Variants in LYPD6B observed in about 807,000 individuals in gnomAD.
The protein encoded by LYPD6B is ly6/PLAUR domain-containing protein 6B.
A neutral mutation model predicts 22.8 loss-of-function variants in LYPD6B; 17 were observed. The observed-to-expected ratio is 0.75, with a 90% CI of 0.51 to 1.12. LYPD6B has a LOEUF of 1.12. LYPD6B is among the 50% of genes most tolerant of loss of function. The pLI is 0.00. For synonymous variants in LYPD6B, 106 were observed against 91.6 expected, an observed-to-expected ratio of 1.16 and a Z score of -0.90; for missense variants, 221 against 258.3, an observed-to-expected ratio of 0.86 and a Z score of 0.99.
intron 1 of LYPD6B, among the ~76,000 whole-genome samples, chr2:149,104,226 A>G (rs1686357181): frequency 6.6e-6 from 1 of 152,078 alleles, no homozygotes; most frequent in South Asian, 2.1e-4. Context: ...TTGTGTACAG[A>G]TCTTTGTATG....
chr2:149,181,500 T>TGG (rs1691717860), intron 3 of LYPD6B, among the ~76,000 whole-genome samples: 1 of 152,184 alleles, frequency 6.6e-6, no homozygotes, highest in Non-Finnish European at 1.5e-5. Context: ...TCTGCTGGAT[T>TGG]CCAGAAACCC....
chr2:149,102,918 A>T (rs1237393340), intron 1 of LYPD6B, among the ~76,000 whole-genome samples: 1 of 152,152 alleles, frequency 6.6e-6, no homozygotes, highest in East Asian at 1.9e-4. Context: ...GCCAAGGAAG[A>T]AATTTCCAGA....
At chr2:149,205,200 A>C in intron 3 of LYPD6B, 53 bp from the exon 4 acceptor site, 4 of 1,550,728 alleles carry the variant, frequency 2.6e-6, no homozygotes, top group Non-Finnish European at 3.5e-6. Context: ...CAAAACACAA[A>C]CCCACTGATG....
intron 3 of LYPD6B, among the ~76,000 whole-genome samples, chr2:149,171,600 G>A (rs1191189515): frequency 6.6e-6 from 1 of 151,664 alleles, no homozygotes; most frequent in Non-Finnish European, 1.5e-5. Flanking sequence ...TGGGATAGGT[G>A]GAGAGGAAAG....
chr2:149,178,558 G>A (rs151221697), intron 3 of LYPD6B, among the ~76,000 whole-genome samples: 2 of 152,226 alleles, frequency 1.3e-5, no homozygotes, highest in East Asian at 3.9e-4. Flanking sequence ...CAAAGTCAAG[G>A]GACTCTGCAT....
At chr2:149,160,040 A>C (rs1230858746) in intron 2 of LYPD6B, among the ~76,000 whole-genome samples, 1 of 152,046 alleles carries the variant, frequency 6.6e-6, no homozygotes, top group African/African-American at 2.4e-5. Context: ...TGAAGTCCCA[A>C]CTACTCAAGA....
chr2:149,154,767 A>G (rs1463039125), intron 2 of LYPD6B, among the ~76,000 whole-genome samples: 1 of 152,124 alleles, frequency 6.6e-6, no homozygotes, highest in African/African-American at 2.4e-5. Context: ...TACAGGAAAA[A>G]CTATTTCAAA....
intron 1 of LYPD6B, chr2:149,077,586 T>C (rs4622681): frequency 0.37 from 56,938 of 151,982 alleles, 10,852 homozygotes; most frequent in South Asian, 0.44. Flanking sequence ...TTGAAGAGAG[T>C]GGCTTTGAAG....
intron 1 of LYPD6B, among the ~76,000 whole-genome samples, chr2:149,110,035 C>A (rs1298038434): frequency 2.0e-5 from 3 of 151,944 alleles, no homozygotes; most frequent in African/African-American, 7.3e-5. Flanking sequence ...TAAAAAGATT[C>A]TTTTCCTTCT....
intron 3 of LYPD6B, among the ~76,000 whole-genome samples, chr2:149,162,689 G>A (rs1431821643): frequency 6.6e-6 from 1 of 152,168 alleles, no homozygotes; most frequent in African/African-American, 2.4e-5. Context: ...TTTAAAAGGT[G>A]CCAGTTGTAG....
intron 2 of LYPD6B, among the ~76,000 whole-genome samples, chr2:149,142,412 G>A (rs899374873): frequency 5.9e-5 from 9 of 152,130 alleles, no homozygotes; most frequent in Admixed American, 6.5e-5. Context: ...TACACCAGGG[G>A]CTCAGTTAAT....
chr2:149,099,973 T>G (rs765963985), intron 1 of LYPD6B, among the ~76,000 whole-genome samples: 5 of 152,170 alleles, frequency 3.3e-5, no homozygotes, highest in Admixed American at 2.6e-4. Context: ...GTCTCATCAT[T>G]GTTTCAGTGA....
chr2:149,153,471 G>A (rs2105840726), intron 2 of LYPD6B, among the ~76,000 whole-genome samples: 1 of 148,394 alleles, frequency 6.7e-6, no homozygotes, highest in Admixed American at 6.6e-5. Flanking sequence ...AAGGAAACTG[G>A]GAGAATAGTT....
At chr2:149,102,267 A>G (rs989407478) in intron 1 of LYPD6B, among the ~76,000 whole-genome samples, 6 of 152,204 alleles carry the variant, frequency 3.9e-5, no homozygotes, top group Non-Finnish European at 7.3e-5. Context: ...ATCAAATCCA[A>G]GTTACTACTG....
chr2:149,175,573 TTTA>T (rs1201063500), intron 3 of LYPD6B, among the ~76,000 whole-genome samples: 1 of 152,134 alleles, frequency 6.6e-6, no homozygotes, highest in Non-Finnish European at 1.5e-5. Context: ...ACTGTAACTC[TTTA>T]TAAACTGAAA....
intron 2 of LYPD6B, among the ~76,000 whole-genome samples, chr2:149,144,127 T>C (rs1365949482): frequency 6.6e-6 from 1 of 152,228 alleles, no homozygotes; most frequent in Non-Finnish European, 1.5e-5. Flanking sequence ...TGATGACTTC[T>C]GCCTCAGAGG....
At chr2:149,089,077 A>G (rs1018367564) in intron 1 of LYPD6B, among the ~76,000 whole-genome samples, 3 of 152,200 alleles carry the variant, frequency 2.0e-5, no homozygotes, top group African/African-American at 7.2e-5. Context: ...GAATACATGT[A>G]AAGTGTGTAG....
intron 1 of LYPD6B, among the ~76,000 whole-genome samples, chr2:149,058,962 G>C (rs529521461): frequency 3.1e-4 from 47 of 152,180 alleles, no homozygotes; most frequent in Admixed American, 5.9e-4. Flanking sequence ...TTTATGCTTC[G>C]TGATTGAGAT....
intron 1 of LYPD6B, among the ~76,000 whole-genome samples, chr2:149,066,742 C>T (rs897335836): frequency 6.6e-6 from 1 of 151,906 alleles, no homozygotes; most frequent in African/African-American, 2.4e-5. Context: ...AACATTCTCC[C>T]TTCTCTTCTC....
Sources: gnomAD v4.1 joint callset for allele counts (sites outside exome capture counted in the v4.1 genomes callset) on GRCh38, gnomAD v4.1.1 for gene constraint, MANE v1.5 for transcripts, NCBI Gene and HGNC (gene_info 2026-07-23, HGNC 2026-07-21) for gene names.